Variants in IL3RA observed in about 807,000 individuals in gnomAD.
IL3RA encodes the protein interleukin 3 receptor subunit alpha.
IL3RA carries 73 observed loss-of-function variants against 52.3 expected under a neutral mutation model. The observed-to-expected ratio is 1.40, with a 90% CI of 1.16 to 1.70. The LOEUF (loss-of-function observed/expected upper bound fraction) is 1.70. Ranked by LOEUF, IL3RA falls within the 40% of genes most tolerant of loss-of-function variation. The probability of loss-of-function intolerance (pLI) is 0.00; values close to 1 mark genes in which losing one functional copy is unlikely to be tolerated. For missense variants in IL3RA, 664 were observed against 504.4 expected (o/e 1.32, Z -3.03); for synonymous variants, 260 against 194.0 (o/e 1.34, Z -2.83).
chrX:1,344,017 ATC>A (rs1569519574), intron 2 of IL3RA, among the ~76,000 whole-genome samples: 1 of 151,770 alleles, frequency 6.6e-6, no homozygotes, highest in Non-Finnish European at 1.5e-5. Context: ...GATGGTCTTG[ATC>A]ACTTGACCTG....
At chrX:1,368,339 C>A (rs1189017290) in intron 9 of IL3RA, among the ~76,000 whole-genome samples, 1 of 152,048 alleles carries the variant, frequency 6.6e-6, no homozygotes, top group Admixed American at 6.6e-5. Context: ...CATCCCAGCA[C>A]TTTGGGAGGC....
chrX:1,351,075 T>C (rs1369822752), intron 4 of IL3RA, among the ~76,000 whole-genome samples: 4 of 151,078 alleles, frequency 2.6e-5, no homozygotes, highest in Non-Finnish European at 4.4e-5. Flanking sequence ...GGTGTGGTAG[T>C]GGGTGCCTGT....
chrX:1,346,921 C>T (rs748547403), intron 3 of IL3RA, among the ~76,000 whole-genome samples: 36 of 151,434 alleles, frequency 2.4e-4, no homozygotes, highest in African/African-American at 8.6e-4. Flanking sequence ...CTACCCCCAG[C>T]TCCAAATACA....
At chrX:1,342,268 C>T (rs113082942) in intron 2 of IL3RA, among the ~76,000 whole-genome samples, 29 of 151,004 alleles carry the variant, frequency 1.9e-4, no homozygotes, top group Non-Finnish European at 2.8e-4. Flanking sequence ...CGGATTCAAG[C>T]GATTCTTCTG....
rs753611892 is a variant in IL3RA at position 1,357,070 on chromosome X, A to G, written c.732+734A>G. 7.4e-3 allele frequency among the ~76,000 whole-genome samples: 1,118 copies of G among 151,808 alleles called. 19 individuals are homozygous for G. The highest frequency in any genetic ancestry group is 0.025 in the African/African-American group (1,048 of 41,436). On this transcript the variant is annotated intron_variant, in intron 7 of 11. Transcript: ENST00000331035. ...CGGGTTCAAGTGATTCTCCTGCCTC[A>G]GCCTCCCGAGTAGCTGGGATTATGG... is the stretch of plus-strand genomic sequence containing the variant.
intron 8 of IL3RA, 93 bp from the exon 9 acceptor site, chrX:1,365,045 G>A: frequency 1.2e-6 from 1 of 812,632 alleles, no homozygotes; most frequent in South Asian, 1.4e-5. Flanking sequence ...CTGACCTCAG[G>A]TGATCCACCT....
intron 9 of IL3RA, among the ~76,000 whole-genome samples, chrX:1,370,817 G>T (rs193186247): frequency 0.013 from 1,016 of 79,874 alleles, 202 homozygotes; most frequent in Admixed American, 0.02. Context: ...ACAGGGAGAA[G>T]ACGGCATCTC....
chrX:1,362,446 C>G (rs1422226099), intron 8 of IL3RA, among the ~76,000 whole-genome samples: 1 of 151,342 alleles, frequency 6.6e-6, no homozygotes, highest in Non-Finnish European at 1.5e-5. Flanking sequence ...CTCTTTGTAT[C>G]TCTGTCTCTC....
At chrX:1,354,982 G>T (rs368788618) in intron 6 of IL3RA, among the ~76,000 whole-genome samples, 1 of 2,412 alleles carries the variant, frequency 4.1e-4, no homozygotes, top group Non-Finnish European at 9.5e-4. Flanking sequence ...GGGAGGAAGG[G>T]GGAGGAGGGG....
At chrX:1,376,937 T>C (rs1453847103) in intron 9 of IL3RA, among the ~76,000 whole-genome samples, 1 of 105,454 alleles carries the variant, frequency 9.5e-6, no homozygotes, top group South Asian at 3.3e-4. Flanking sequence ...TGCCCACACC[T>C]GGATCTCAGA....
In IL3RA at chrX:1,348,420, G is replaced by T; in HGVS notation, c.184-11G>T. On this transcript the variant is annotated splice_polypyrimidine_tract_variant and intron_variant, in intron 3 of 11. Coordinates refer to ENST00000331035, the MANE Select transcript of IL3RA (RefSeq NM_002183.4). Reference sequence around the variant, plus strand: ...CTGTCAGCAGCCATCATAGTCCTATGTCTCTCTTAGGCAGTGAACAATAGC... The same window carrying T: ...CTGTCAGCAGCCATCATAGTCCTATTTCTCTCTTAGGCAGTGAACAATAGC... 2 of 1,589,024 alleles carry T rather than the reference G, an allele frequency of 1.3e-6. No individual in the cohort carries two copies. The highest frequency in any genetic ancestry group is 1.7e-6 in the Non-Finnish European group (2 of 1,157,226).
In IL3RA at chrX:1,338,067, AG is replaced by A. The variant is rs1411539871; in HGVS notation, c.-39+1143del. ...AGTGGAATATTATACAGCCATGAAA[AG>A]GAACAAGCAGCTTTATTCACAATAG... On this transcript the variant is annotated intron_variant, in intron 1 of 11. Coordinates refer to ENST00000331035, the MANE Select transcript of IL3RA (RefSeq NM_002183.4). 5.5e-4 allele frequency among the ~76,000 whole-genome samples: 84 copies of A among 151,612 alleles called. 1 individual carries two copies. Among genetic ancestry groups the A allele is most frequent in the African/African-American group, 1.9e-3 (80 of 41,232 alleles).
intron 9 of IL3RA, among the ~76,000 whole-genome samples, chrX:1,366,544 G>C (rs1334746931): frequency 2.9e-5 from 2 of 68,520 alleles, no homozygotes; most frequent in Admixed American, 1.3e-4. Flanking sequence ...GGGTGCGCGG[G>C]GTGAGCCGGG....
intron 1 of IL3RA, among the ~76,000 whole-genome samples, chrX:1,341,115 C>T (rs144102183): frequency 0.011 from 1,628 of 151,560 alleles, 36 homozygotes; most frequent in African/African-American, 0.038. Context: ...AAAACTCTGT[C>T]ACAAAAAATA....
At chrX:1,347,174 T>C (rs6645274) in intron 3 of IL3RA, among the ~76,000 whole-genome samples, 64,032 of 150,956 alleles carry the variant, frequency 0.42, 14,593 homozygotes, top group Middle Eastern at 0.61. Flanking sequence ...AGGCCGGGCG[T>C]GGTGGCTCAC....
chrX:1,358,318 G>A (rs759528475), intron 7 of IL3RA, among the ~76,000 whole-genome samples: 4 of 151,940 alleles, frequency 2.6e-5, no homozygotes, highest in African/African-American at 9.7e-5. Context: ...TTTGTCCACC[G>A]GCCTCACAAA....
intron 3 of IL3RA, among the ~76,000 whole-genome samples, chrX:1,347,646 A>C (rs1469372445): frequency 1.4e-5 from 2 of 144,610 alleles, no homozygotes; most frequent in East Asian, 3.9e-4. Context: ...AACAAAAAAC[A>C]AACAAACAAG....
At position 1,378,722 on chromosome X, in the gene IL3RA, G is replaced by C. The variant is rs201488781; in HGVS notation, c.938G>C (p.Gly313Ala). Residue 313 changes from glycine to alanine, a missense_variant, in exon 10 of 12, where the codon GGG becomes GCG. Gly to Ala is a moderately conservative substitution (Grantham distance 60). Transcript: ENST00000331035. ...CGGACGTCGCTGCTGATCGCGCTGG[G>C]GACGCTGCTGGCCCTGGTCTGTGTC... ...AWRTSLLIAL[G>A]TLLALVCVFV... 1 of 1,612,538 alleles carries C rather than the reference G, an allele frequency of 6.2e-7. No homozygotes were observed. The highest frequency in any genetic ancestry group is 1.1e-5 in the South Asian group (1 of 91,022).
intron 8 of IL3RA, among the ~76,000 whole-genome samples, chrX:1,364,218 G>A (rs1226793938): frequency 6.7e-6 from 1 of 150,348 alleles, no homozygotes; most frequent in Admixed American, 6.7e-5. Flanking sequence ...TTGGCTGGAC[G>A]TGGTGGCTCA....
Sources: gnomAD v4.1 joint callset for allele counts (sites outside exome capture counted in the v4.1 genomes callset) on GRCh38, gnomAD v4.1.1 for gene constraint, MANE v1.5 for transcripts, NCBI Gene and HGNC (gene_info 2026-07-23, HGNC 2026-07-21) for gene names.